Variants in FASTKD2 observed in about 807,000 individuals in gnomAD.
The protein encoded by FASTKD2 is FAST kinase domains 2, also known as FAST kinase domain-containing protein 2, mitochondrial.
In FASTKD2, 51 loss-of-function variants were observed where a neutral mutation model predicts 63.6. The observed-to-expected ratio is 0.80, with a 90% CI of 0.64 to 1.01. FASTKD2 has a LOEUF of 1.01. FASTKD2 is among the 50% of genes least tolerant of loss of function. The pLI, the probability that FASTKD2 is intolerant of heterozygous loss-of-function variation, is 0.00. For missense variants in FASTKD2, 786 were observed against 831.1 expected, an observed-to-expected ratio of 0.95 and a Z score of 0.67; for synonymous variants, 284 against 293.4, an observed-to-expected ratio of 0.97 and a Z score of 0.33.
Position 206,796,007 on chromosome 2 carries a change from C to G in FASTKD2, c.*4205C>G, listed in dbSNP as rs1197228190. On this transcript the variant is annotated 3_prime_UTR_variant, in exon 12 of 12. Transcript: ENST00000402774. ...ACTAAAGGCTGCTCCTTCAGCCTTT[C>G]CATTCATCTTGTAAGCAGGAGGCTT... Among the ~76,000 whole-genome samples the G allele has an allele frequency of 6.6e-6, 1 of 152,292 alleles. No homozygotes were observed. Among genetic ancestry groups the G allele is most frequent in the African/African-American group, 2.4e-5 (1 of 41,572 alleles).
intron 8 of FASTKD2, among the ~76,000 whole-genome samples, chr2:206,787,104 A>T (rs1333033726): frequency 2.0e-5 from 3 of 152,144 alleles, no homozygotes. Flanking sequence ...TTTAATGACA[A>T]GTCCTACATG....
Position 206,772,306 on chromosome 2 carries a change from T to C in FASTKD2, c.1240T>C (p.Trp414Arg). The change falls in exon 6 of 12, where the codon TGG (tryptophan) becomes CGG (arginine). Residue 414 changes from tryptophan to arginine, a missense_variant. Coordinates refer to ENST00000402774, the MANE Select transcript of FASTKD2 (RefSeq NM_001136193.2). ...ADYVAATFDIWKFRKVLFILI... is the reference protein window; with the variant it reads ...ADYVAATFDIRKFRKVLFILI... ...TTATGTGGCTGCAACTTTCGACATC[T>C]GGAAGTTCAGAAAAGTGAGTACATT... 6.2e-7 allele frequency: 1 copy of C among 1,613,990 alleles called. No individual in the cohort carries two copies. The highest frequency in any genetic ancestry group is 8.5e-7 in the Non-Finnish European group (1 of 1,179,882).
rs768188573 is a variant in FASTKD2 at position 206,767,280 on chromosome 2, C to G, written c.587C>G (p.Ser196Cys). 1.2e-6 allele frequency: 2 copies of G among 1,614,210 alleles called. No homozygotes were observed. Among genetic ancestry groups the G allele is most frequent in the Admixed American group, 3.3e-5 (2 of 60,030 alleles). The change falls in exon 2 of 12, where the codon TCT becomes TGT. Residue 196 changes from serine to cysteine, a missense_variant. Coordinates refer to ENST00000402774, the MANE Select transcript of FASTKD2 (RefSeq NM_001136193.2). Reference sequence around the variant, plus strand: ...ATGTGGACAATTGCCAAAAGACTGTCTGATGACCAGAAGCGCTTTGAAAAA... The same window carrying G: ...ATGTGGACAATTGCCAAAAGACTGTGTGATGACCAGAAGCGCTTTGAAAAA... ...TAMWTIAKRL[S>C]DDQKRFEKRL...
Position 206,771,990 on chromosome 2 carries a change from C to T in FASTKD2, c.1087C>T (p.Leu363=). Residue 363 remains leucine, a synonymous_variant, in exon 5 of 12, where the codon CTG becomes TTG. Coordinates refer to ENST00000402774, the MANE Select transcript of FASTKD2 (RefSeq NM_001136193.2). ...AAMNHRSLIL[L]DECSKVVLDN... ...CATGAATCACCGATCTCTTATACTC[C>T]TGGATGAATGCAGTAAGGTGGTCCT... is the stretch of plus-strand genomic sequence containing the variant. 6.2e-7 allele frequency: 1 copy of T among 1,613,600 alleles called. No homozygotes were observed. The highest frequency in any genetic ancestry group is 8.5e-7 in the Non-Finnish European group (1 of 1,179,534).
At position 206,767,162 on chromosome 2, in the gene FASTKD2, A is replaced by G. The variant is rs1219056836; in HGVS notation, c.469A>G (p.Arg157Gly). The stretch of plus-strand genomic sequence containing the variant: ...AACAAAACCAAACCGTATCAGCAGT[A>G]GAAAACTGTCTGAGGAATGTAATTC... Reference protein sequence around the residue: ...KETKPNRISSRKLSEECNSLS... With the variant: ...KETKPNRISSGKLSEECNSLS... Residue 157 changes from arginine (R) to glycine (G), a missense_variant, in exon 2 of 12, where the codon AGA (arginine) becomes GGA (glycine). Coordinates refer to ENST00000402774, the MANE Select transcript of FASTKD2 (RefSeq NM_001136193.2). 16 of 1,614,094 alleles carry G rather than the reference A, an allele frequency of 9.9e-6. No homozygotes were observed. Among genetic ancestry groups the G allele is most frequent in the African/African-American group, 2.7e-5 (2 of 74,956 alleles).
At chr2:206,773,784 T>C (rs1689749730) in intron 6 of FASTKD2, among the ~76,000 whole-genome samples, 1 of 152,150 alleles carries the variant, frequency 6.6e-6, no homozygotes, top group Non-Finnish European at 1.5e-5. Context: ...GAATATTAAA[T>C]ATAGAAATTT....
At chr2:206,784,115 C>T (rs776781730) in intron 7 of FASTKD2, among the ~76,000 whole-genome samples, 1 of 152,212 alleles carries the variant, frequency 6.6e-6, no homozygotes, top group Non-Finnish European at 1.5e-5. Flanking sequence ...TAATTAGTCA[C>T]CATTTCCTGA....
chr2:206,768,282 C>G (rs1228930136), intron 2 of FASTKD2, among the ~76,000 whole-genome samples: 1 of 152,104 alleles, frequency 6.6e-6, no homozygotes, highest in Non-Finnish European at 1.5e-5. Flanking sequence ...TAGTCTAAAG[C>G]AAGAATGTCA....
chr2:206,766,747 T>C lies in FASTKD2; in HGVS notation c.54T>C (p.Asn18=). The C allele has an allele frequency of 6.2e-7, 1 of 1,614,012 alleles. No individual in the cohort carries two copies. The highest frequency in any genetic ancestry group is 1.7e-5 in the Admixed American group (1 of 59,970). ...GTGTTTCAGTGGAGAGCAAAATGAA[T>C]AACAAAGCGGGCTCCTTTTTCTGGA... is the stretch of plus-strand genomic sequence containing the variant. The part of the protein sequence containing the change: ...FGSVSVESKM[N]NKAGSFFWNL... Residue 18 remains asparagine, a synonymous_variant, in exon 2 of 12, where the codon AAT becomes AAC. Coordinates refer to ENST00000402774, the MANE Select transcript of FASTKD2 (RefSeq NM_001136193.2).
At position 206,772,325 on chromosome 2, in the gene FASTKD2, G is replaced by A; in HGVS notation, c.1254+5G>A. On this transcript the variant is annotated splice_donor_5th_base_variant and intron_variant, in intron 6 of 11. Transcript: ENST00000402774. Reference sequence around the variant, plus strand: ...GACATCTGGAAGTTCAGAAAAGTGAGTACATTAACAATTTAGAATAAGCCT... The same window carrying A: ...GACATCTGGAAGTTCAGAAAAGTGAATACATTAACAATTTAGAATAAGCCT... The A allele has an allele frequency of 3.1e-6, 5 of 1,613,440 alleles. No individual in the cohort carries two copies. The highest frequency in any genetic ancestry group is 4.2e-6 in the Non-Finnish European group (5 of 1,179,414).
intron 9 of FASTKD2, among the ~76,000 whole-genome samples, chr2:206,788,389 T>C (rs535214634): frequency 6.6e-6 from 1 of 152,268 alleles, no homozygotes; most frequent in Admixed American, 6.5e-5. Flanking sequence ...CAATATATTT[T>C]AGCTACTGCT....
intron 2 of FASTKD2, among the ~76,000 whole-genome samples, chr2:206,768,228 G>C (rs2287630): frequency 6.6e-6 from 1 of 152,000 alleles, no homozygotes; most frequent in Admixed American, 6.6e-5. Flanking sequence ...ATGAGTGGAA[G>C]ATGTATTGGA....
At chr2:206,774,116 C>T (rs1689758032) in intron 6 of FASTKD2, 109 bp from the exon 7 acceptor site, 3 of 698,234 alleles carry the variant, frequency 4.3e-6, no homozygotes. Context: ...AGGATATATT[C>T]TGTTGATCAG....
intron 7 of FASTKD2, 115 bp downstream of exon 7, chr2:206,774,512 C>A: frequency 1.4e-6 from 1 of 714,266 alleles, no homozygotes; most frequent in Non-Finnish European, 2.4e-6. Flanking sequence ...ATCATCCATG[C>A]CAATAAATAA....
chr2:206,775,265 A>G (rs1348520057), intron 7 of FASTKD2, among the ~76,000 whole-genome samples: 1 of 151,842 alleles, frequency 6.6e-6, no homozygotes, highest in African/African-American at 2.4e-5. Flanking sequence ...AAATATATCC[A>G]CAAGTGAGAT....
chr2:206,783,640 A>G (rs1320729739), intron 7 of FASTKD2, among the ~76,000 whole-genome samples: 1 of 152,148 alleles, frequency 6.6e-6, no homozygotes, highest in African/African-American at 2.4e-5. Flanking sequence ...GACTCCAGGC[A>G]ACCTGAGAGA....
In FASTKD2 at chr2:206,780,838, C is replaced by CA. The variant is rs535925464; in HGVS notation, c.1428-5894dup. Among the ~76,000 whole-genome samples the CA allele has an allele frequency of 2.4e-3, 358 of 152,176 alleles. 1 individual carries two copies. The highest frequency in any genetic ancestry group is 0.01 in the Middle Eastern group (3 of 294). On this transcript the variant is annotated intron_variant, in intron 7 of 11. Coordinates refer to ENST00000402774, the MANE Select transcript of FASTKD2 (RefSeq NM_001136193.2). The stretch of plus-strand genomic sequence containing the variant: ...TTTCTTTTTGGACTGGGTAATTTCA[C>CA]ATGACCTGCTTCAAATTCTCCGATT...
At chr2:206,766,039 T>C (rs1701112962) in intron 1 of FASTKD2, among the ~76,000 whole-genome samples, 1 of 151,920 alleles carries the variant, frequency 6.6e-6, no homozygotes, top group Non-Finnish European at 1.5e-5. Flanking sequence ...GCGGGTGGAT[T>C]ACCTGAGGTC....
intron 7 of FASTKD2, among the ~76,000 whole-genome samples, chr2:206,780,469 C>T (rs969408904): frequency 2.0e-5 from 3 of 152,242 alleles, no homozygotes; most frequent in Non-Finnish European, 4.4e-5. Flanking sequence ...CACTGCTAGT[C>T]TGATGGGGGC....
Sources: gnomAD v4.1 joint callset for allele counts (sites outside exome capture counted in the v4.1 genomes callset) on GRCh38, gnomAD v4.1.1 for gene constraint, MANE v1.5 for transcripts, NCBI Gene and HGNC (gene_info 2026-07-23, HGNC 2026-07-21) for gene names.